Variants in NF1 observed in about 807,000 individuals in gnomAD.
NF1 encodes the protein neurofibromin.
Under a neutral mutation model 325.7 loss-of-function variants are expected in NF1, and 122 were observed. That is an observed-to-expected ratio of 0.37 (90% CI 0.32 to 0.44). The LOEUF (loss-of-function observed/expected upper bound fraction) is 0.44, where lower values mean the gene tolerates loss of function less well. NF1 is among the 20% of genes least tolerant of loss of function. The probability of loss-of-function intolerance (pLI) is 1.00; values close to 1 mark genes in which losing one functional copy is unlikely to be tolerated. For missense variants in NF1, 2,140 were observed against 3,415.4 expected (o/e 0.63, Z 9.31); for synonymous variants, 1,091 against 1,186.0 (o/e 0.92, Z 1.65).
At chr17:31,188,265 A>G (rs2066277172) in intron 8 of NF1, among the ~76,000 whole-genome samples, 1 of 152,186 alleles carries the variant, frequency 6.6e-6, no homozygotes, top group South Asian at 2.1e-4. Flanking sequence ...TGCAGAAACA[A>G]CTGTAATTGT....
chr17:31,266,205 TTAAG>T (rs533280822), intron 36 of NF1, among the ~76,000 whole-genome samples: 43 of 152,338 alleles, frequency 2.8e-4, no homozygotes, highest in South Asian at 1.4e-3. Flanking sequence ...TCCATGACCA[TTAAG>T]TTAGTAGACT....
chr17:31,200,360 A>G (rs1181158801), intron 8 of NF1, 62 bp from the exon 9 acceptor site: 1 of 1,492,084 alleles, frequency 6.7e-7, no homozygotes, highest in Non-Finnish European at 9.3e-7. Flanking sequence ...CTATAATATT[A>G]GCTACATCTG....
intron 1 of NF1, among the ~76,000 whole-genome samples, chr17:31,140,274 G>A (rs1916121257): frequency 1.3e-5 from 2 of 152,158 alleles, no homozygotes; most frequent in Admixed American, 1.3e-4. Context: ...TAAGGAAAGT[G>A]GTGGGAGAAT....
chr17:31,267,761 A>G (rs1214712931), intron 36 of NF1, among the ~76,000 whole-genome samples: 2 of 152,170 alleles, frequency 1.3e-5, no homozygotes, highest in African/African-American at 2.4e-5. Context: ...TTAATTCAGT[A>G]TATCTTCAAA....
At chr17:31,097,617 T>C (rs1468191357) in intron 1 of NF1, among the ~76,000 whole-genome samples, 1 of 152,200 alleles carries the variant, frequency 6.6e-6, no homozygotes, top group East Asian at 1.9e-4. Context: ...TGTTAAAAAT[T>C]AAGGACATTA....
chr17:31,260,346 C>G (rs768045335), intron 33 of NF1, 23 bp from the exon 34 acceptor site: 60 of 1,612,658 alleles, frequency 3.7e-5, no homozygotes, highest in Admixed American at 1.2e-4. Context: ...GTTGAAAATT[C>G]TAATGACTTT....
At chr17:31,371,806 T>C (rs1372606728) in intron 57 of NF1, among the ~76,000 whole-genome samples, 1 of 152,250 alleles carries the variant, frequency 6.6e-6, no homozygotes, top group East Asian at 1.9e-4. Context: ...CACATGTTCA[T>C]AAACAGTCAC....
At chr17:31,313,478 C>T (rs542245237) in intron 36 of NF1, among the ~76,000 whole-genome samples, 43 of 151,942 alleles carry the variant, frequency 2.8e-4, no homozygotes, top group African/African-American at 7.7e-4. Flanking sequence ...CGGAGGTAAG[C>T]GGATCACCCA....
At position 31,375,571 on chromosome 17, in the gene NF1, G is replaced by T. The variant is rs927885698; in HGVS notation, c.*1416G>T. Reference sequence around the variant, plus strand: ...AACTAAACCATATTTATTACAAAAAGATATTAATCCCTCTACTCCCAGGTT... The same window carrying T: ...AACTAAACCATATTTATTACAAAAATATATTAATCCCTCTACTCCCAGGTT... On this transcript the variant is annotated 3_prime_UTR_variant, in exon 58 of 58. Coordinates refer to ENST00000358273, the MANE Select transcript of NF1 (RefSeq NM_001042492.3). 5 of 232,250 alleles carry T rather than the reference G, an allele frequency of 2.2e-5. No individual in the cohort carries two copies. The highest frequency in any genetic ancestry group is 4.4e-5 in the African/African-American group (2 of 45,254). 14.4% of individuals were successfully genotyped at this position (232,250 alleles called of 1,614,324 possible). A position where few individuals can be genotyped will look rare whatever the true frequency, so the allele number is the denominator to read the frequency against.
chr17:31,295,162 GA>G, intron 36 of NF1: 1 of 1,614,186 alleles, frequency 6.2e-7, no homozygotes, highest in South Asian at 1.1e-5. Context: ...GCATTTCAGA[GA>G]AATTATTTGG....
At chr17:31,302,844 C>T (rs932915425) in intron 36 of NF1, among the ~76,000 whole-genome samples, 3 of 151,504 alleles carry the variant, frequency 2.0e-5, no homozygotes, top group Non-Finnish European at 2.9e-5. Flanking sequence ...GACTCTGTCT[C>T]GAACAAAAGT....
At chr17:31,189,997 G>A (rs2066312678) in intron 8 of NF1, among the ~76,000 whole-genome samples, 1 of 150,604 alleles carries the variant, frequency 6.6e-6, no homozygotes, top group East Asian at 2.0e-4. Context: ...CTGACCTCAG[G>A]TGATCTGCCT....
intron 21 of NF1, 65 bp from the exon 22 acceptor site, chr17:31,229,768 ATC>A (rs2067080803): frequency 1.3e-6 from 2 of 1,590,970 alleles, no homozygotes; most frequent in Admixed American, 1.7e-5. Flanking sequence ...AGTCAGTTTC[ATC>A]TCTCTAGGGG....
intron 1 of NF1, 114 bp downstream of exon 1, chr17:31,095,483 A>AGGAAG (rs1258712171): frequency 1.1e-6 from 1 of 895,268 alleles, no homozygotes; most frequent in East Asian, 3.6e-5. Context: ...TCTGGAGGAA[A>AGGAAG]GGAAGGGAAG....
chr17:31,216,417 A>G lies in NF1; in HGVS notation c.1527+1832A>G, dbSNP rs187254171. 4.6e-5 allele frequency among the ~76,000 whole-genome samples: 7 copies of G among 152,318 alleles called. No homozygotes were observed. The East Asian group carries it at 9.6e-4, about 21-fold the overall frequency. On this transcript the variant is annotated intron_variant, in intron 13 of 57. Transcript: ENST00000358273. ...GAAGATTCGTTGTAAATATTTGACC[A>G]TTTTGTCTTTTACATAAAAAATCTG...
intron 37 of NF1, among the ~76,000 whole-genome samples, chr17:31,327,121 G>A (rs2069364741): frequency 6.6e-6 from 1 of 151,782 alleles, no homozygotes; most frequent in African/African-American, 2.4e-5. Flanking sequence ...GGCGCCCACC[G>A]CCACGGCAGG....
At chr17:31,362,995 G>T (rs965908136) in intron 57 of NF1, among the ~76,000 whole-genome samples, 1 of 152,134 alleles carries the variant, frequency 6.6e-6, no homozygotes, top group African/African-American at 2.4e-5. Flanking sequence ...AGGTTTTATG[G>T]CTTTGGTTCC....
chr17:31,175,786 C>T (rs181172819), intron 5 of NF1, among the ~76,000 whole-genome samples: 2 of 152,200 alleles, frequency 1.3e-5, no homozygotes, highest in Admixed American at 6.5e-5. Flanking sequence ...GTTTGGTTTT[C>T]TGTTCTTGTG....
Position 31,374,524 on chromosome 17 carries a change from C to T in NF1, c.*369C>T, listed in dbSNP as rs2070704609. On this transcript the variant is annotated 3_prime_UTR_variant, in exon 58 of 58. Coordinates refer to ENST00000358273, the MANE Select transcript of NF1 (RefSeq NM_001042492.3). ...TGAAAGCCATTTGCACAGAGCTCTGCCTTCTGTGGTTTTCCCTTCTTCATC... is the reference window on the plus strand; with the variant it reads ...TGAAAGCCATTTGCACAGAGCTCTGTCTTCTGTGGTTTTCCCTTCTTCATC... 4.9e-6 allele frequency: 2 copies of T among 405,864 alleles called. No individual in the cohort carries two copies. The highest frequency in any genetic ancestry group is 9.2e-6 in the Non-Finnish European group (2 of 218,520). 25.1% of individuals were successfully genotyped at this position (405,864 alleles called of 1,614,324 possible). A position where few individuals can be genotyped will look rare whatever the true frequency, so the allele number is the denominator to read the frequency against.
Sources: gnomAD v4.1 joint callset for allele counts (sites outside exome capture counted in the v4.1 genomes callset) on GRCh38, gnomAD v4.1.1 for gene constraint, MANE v1.5 for transcripts, NCBI Gene and HGNC (gene_info 2026-07-23, HGNC 2026-07-21) for gene names.